The following TRPM3 variants were observed in gnomAD, a reference collection of about 807,000 sequenced individuals.
TRPM3 encodes transient receptor potential cation channel subfamily M member 3, also known as long transient receptor potential channel 3.
Under a neutral mutation model 181.2 loss-of-function variants are expected in TRPM3, and 77 were observed. The observed-to-expected ratio is 0.42, with a 90% CI of 0.35 to 0.51. The LOEUF (loss-of-function observed/expected upper bound fraction) is 0.51. Ranked by LOEUF, TRPM3 falls within the 20% of genes least tolerant of loss-of-function variation. The pLI is 0.01. For missense variants in TRPM3, 1,759 were observed against 2,196.7 expected (o/e 0.80, Z 3.98); for synonymous variants, 745 against 796.4 (o/e 0.94, Z 1.09).
intron 6 of TRPM3, among the ~76,000 whole-genome samples, chr9:70,815,393 A>T (rs2092601449): frequency 6.6e-6 from 1 of 152,184 alleles, no homozygotes; most frequent in South Asian, 2.1e-4. Flanking sequence ...TATGGGGCTA[A>T]AGGGTACATA....
At chr9:71,081,743 C>T (rs909453496) in intron 1 of TRPM3, among the ~76,000 whole-genome samples, 3 of 152,130 alleles carry the variant, frequency 2.0e-5, no homozygotes, top group African/African-American at 7.2e-5. Context: ...GGTTTAACTA[C>T]ATGCTTTGTA....
At chr9:71,333,329 G>A (rs547694625) in intron 1 of TRPM3, among the ~76,000 whole-genome samples, 16 of 152,060 alleles carry the variant, frequency 1.1e-4, no homozygotes, top group Admixed American at 5.2e-4. Context: ...GCTCCCAATA[G>A]CATTCATGCC....
Position 71,318,434 on chromosome 9 carries a change from G to A in TRPM3, c.183+128219C>T, listed in dbSNP as rs146308342. 2.0e-5 allele frequency among the ~76,000 whole-genome samples: 3 copies of A among 152,244 alleles called. No homozygotes were observed. In the East Asian group the frequency reaches 5.8e-4, roughly 29 times the overall value. On this transcript the variant is annotated intron_variant, in intron 1 of 24. Transcript: ENST00000357533. ...CATAATTAAAAAACAACAGAATGGT[G>A]AAACAAGTGTTTTATTTTTCAGTAG...
chr9:70,864,233 G>A (rs7873917), intron 2 of TRPM3, among the ~76,000 whole-genome samples, 199 bp downstream of exon 2: 53,795 of 151,666 alleles, frequency 0.35, 9,894 homozygotes, highest in African/African-American at 0.39. Context: ...TTTCTTTATC[G>A]GCTCTTAGAG....
chr9:71,329,501 T>G (rs904906334), intron 1 of TRPM3, among the ~76,000 whole-genome samples: 10 of 152,186 alleles, frequency 6.6e-5, no homozygotes, highest in African/African-American at 2.4e-4. Context: ...ATAAAGATGC[T>G]GCAGCAACTA....
chr9:70,793,058 T>C (rs2085920797), intron 6 of TRPM3, among the ~76,000 whole-genome samples: 1 of 152,204 alleles, frequency 6.6e-6, no homozygotes, highest in Non-Finnish European at 1.5e-5. Context: ...TACAAACATT[T>C]AAAAATATAA....
At chr9:70,850,712 AATTT>A (rs1322608927) in intron 3 of TRPM3, among the ~76,000 whole-genome samples, 5 of 152,198 alleles carry the variant, frequency 3.3e-5, no homozygotes, top group Admixed American at 3.3e-4. Flanking sequence ...TGCTGAATTG[AATTT>A]ATTTCATTTT....
intron 1 of TRPM3, among the ~76,000 whole-genome samples, chr9:71,150,080 A>G (rs1358965833): frequency 1.3e-5 from 2 of 152,196 alleles, no homozygotes; most frequent in Non-Finnish European, 2.9e-5. Context: ...AAAATAAGAA[A>G]TAACTGAAAA....
At chr9:71,353,788 G>C (rs947316567) in intron 1 of TRPM3, among the ~76,000 whole-genome samples, 2 of 152,160 alleles carry the variant, frequency 1.3e-5, no homozygotes, top group Non-Finnish European at 2.9e-5. Context: ...GTTGAGGGCT[G>C]CATATTCTTC....
At chr9:71,394,241 C>T (rs935690877) in intron 1 of TRPM3, among the ~76,000 whole-genome samples, 1 of 151,972 alleles carries the variant, frequency 6.6e-6, no homozygotes, top group South Asian at 2.1e-4. Flanking sequence ...CATAAATATT[C>T]TTATAAAGAG....
At chr9:71,396,069 C>T (rs959474812) in intron 1 of TRPM3, among the ~76,000 whole-genome samples, 5 of 152,078 alleles carry the variant, frequency 3.3e-5, no homozygotes. Flanking sequence ...GGTCTTAATT[C>T]TATGATCAAT....
rs201848018 is a variant in TRPM3 at position 70,923,832 on chromosome 9, A to C, written c.178-59321T>G. Among the ~76,000 whole-genome samples the C allele has an allele frequency of 6.5e-3, 867 of 133,620 alleles. 3 individuals carry two copies. The highest frequency in any genetic ancestry group is 9.2e-3 in the East Asian group (46 of 5,012). The allele number at this position is 133,620 out of a possible 152,430, so 87.7% of individuals were successfully genotyped here. A position where few individuals can be genotyped will look rare whatever the true frequency, so the allele number is the denominator to read the frequency against. On this transcript the variant is annotated intron_variant, in intron 1 of 25. Coordinates refer to ENST00000677713, the MANE Select transcript of TRPM3 (RefSeq NM_001366145.2). ...TCTCTCTCTCTCTCTCTCTCTCTAT[A>C]TATATATATATACACACACACACAC...
At chr9:70,847,442 C>G (rs866331634) in intron 3 of TRPM3, among the ~76,000 whole-genome samples, 1 of 152,076 alleles carries the variant, frequency 6.6e-6, no homozygotes, top group South Asian at 2.1e-4. Flanking sequence ...TATTGAGACT[C>G]CTAAACAAAG....
chr9:70,955,668 T>C (rs2097060447), intron 1 of TRPM3, among the ~76,000 whole-genome samples: 1 of 152,186 alleles, frequency 6.6e-6, no homozygotes, highest in Non-Finnish European at 1.5e-5. Context: ...CCAGAGTGTC[T>C]GATAGTATTA....
intron 1 of TRPM3, among the ~76,000 whole-genome samples, chr9:71,314,810 T>TA (rs1301982370): frequency 1.3e-5 from 2 of 151,740 alleles, no homozygotes; most frequent in African/African-American, 4.8e-5. Context: ...TGGAGGGACT[T>TA]AGCTTCTTTT....
chr9:70,975,433 C>T (rs1372018843), intron 1 of TRPM3, among the ~76,000 whole-genome samples: 1 of 152,172 alleles, frequency 6.6e-6, no homozygotes, highest in Non-Finnish European at 1.5e-5. Context: ...AAATATAATA[C>T]TGCCTAGGGC....
chr9:70,598,740 CT>C (rs2059407183), intron 20 of TRPM3, 70 bp from the exon 21 acceptor site: 3 of 1,555,988 alleles, frequency 1.9e-6, no homozygotes, highest in Non-Finnish European at 2.6e-6. Context: ...TTGGGAAGTG[CT>C]TGGTCTGTTG....
chr9:71,175,540 G>A (rs958280726), intron 1 of TRPM3, among the ~76,000 whole-genome samples: 14 of 152,178 alleles, frequency 9.2e-5, no homozygotes, highest in African/African-American at 3.4e-4. Flanking sequence ...CTAGAGTGAT[G>A]ACTGGTCTTA....
At chr9:71,273,614 G>C (rs1298624394) in intron 1 of TRPM3, among the ~76,000 whole-genome samples, 1 of 152,198 alleles carries the variant, frequency 6.6e-6, no homozygotes, top group Non-Finnish European at 1.5e-5. Flanking sequence ...GGCTTTATGC[G>C]ACTCTGGGAA....
Sources: gnomAD v4.1 joint callset for allele counts (sites outside exome capture counted in the v4.1 genomes callset) on GRCh38, gnomAD v4.1.1 for gene constraint, MANE v1.5 for transcripts, NCBI Gene and HGNC (gene_info 2026-07-23, HGNC 2026-07-21) for gene names.